The following RBFOX1 variants were observed in gnomAD, a reference collection of about 807,000 sequenced individuals.
The protein encoded by RBFOX1 is RNA binding fox-1 homolog 1.
RBFOX1 carries 8 observed loss-of-function variants against 57.7 expected under a neutral mutation model. The observed-to-expected ratio is 0.14, with a 90% CI of 0.08 to 0.25. The LOEUF (loss-of-function observed/expected upper bound fraction) is 0.25. RBFOX1 is among the 10% of genes least tolerant of loss of function. The pLI is 1.00. For synonymous variants in RBFOX1, 326 were observed against 222.4 expected (o/e 1.47, Z -4.15); for missense variants, 611 against 548.5 (o/e 1.11, Z -1.14).
chr16:5,251,466 G>A (rs1396616329), intron 1 of RBFOX1, among the ~76,000 whole-genome samples: 1 of 152,136 alleles, frequency 6.6e-6, no homozygotes, highest in Non-Finnish European at 1.5e-5. Context: ...TCTTAGTGCC[G>A]AGCCCAGAGC....
At chr16:6,545,663 C>A (rs1255277630) in intron 2 of RBFOX1, among the ~76,000 whole-genome samples, 1 of 152,230 alleles carries the variant, frequency 6.6e-6, no homozygotes, top group Non-Finnish European at 1.5e-5. Flanking sequence ...TTAAGTTACT[C>A]ACCATGGTGT....
chr16:6,467,613 T>A (rs2095079403), intron 2 of RBFOX1, among the ~76,000 whole-genome samples: 1 of 152,142 alleles, frequency 6.6e-6, no homozygotes, highest in African/African-American at 2.4e-5. Flanking sequence ...TTGTTTCCTA[T>A]TAAAAGGAAA....
intron 1 of RBFOX1, among the ~76,000 whole-genome samples, chr16:6,208,397 A>G (rs185035586): frequency 2.2e-3 from 312 of 141,816 alleles, no homozygotes; most frequent in African/African-American, 7.9e-3. Context: ...GAAGCCGTTT[A>G]TTTATTCATT....
intron 2 of RBFOX1, among the ~76,000 whole-genome samples, chr16:5,579,195 C>T (rs528292140): frequency 1.3e-5 from 2 of 152,228 alleles, no homozygotes; most frequent in South Asian, 2.1e-4. Flanking sequence ...GCTATCGCCC[C>T]ACCCAACTTG....
chr16:6,955,563 A>G (rs896187086), intron 3 of RBFOX1, among the ~76,000 whole-genome samples: 9 of 152,154 alleles, frequency 5.9e-5, no homozygotes. Flanking sequence ...CTCTGTGAAC[A>G]TCTTAGTGTA....
Position 6,547,895 on chromosome 16 carries a change from G to T in RBFOX1, c.-63-106708G>T, listed in dbSNP as rs554651088. Among the ~76,000 whole-genome samples, 6 of 152,236 alleles carry T rather than the reference G, an allele frequency of 3.9e-5. No individual in the cohort carries two copies. The East Asian group carries it at 7.7e-4, about 20-fold the overall frequency. On this transcript the variant is annotated intron_variant, in intron 2 of 15. Transcript: ENST00000550418. ...AATTCACAGTGTTTCTCACGGTTAGGATGCTGACTAAACCCCAGACTGCAA... is the reference window on the plus strand; with the variant it reads ...AATTCACAGTGTTTCTCACGGTTAGTATGCTGACTAAACCCCAGACTGCAA...
intron 3 of RBFOX1, among the ~76,000 whole-genome samples, chr16:6,934,442 C>T (rs928764951): frequency 6.6e-6 from 1 of 152,076 alleles, no homozygotes; most frequent in Non-Finnish European, 1.5e-5. Context: ...TATTGCAGCA[C>T]TACTTAAAAT....
At chr16:5,879,922 C>T (rs2057721643) in intron 4 of RBFOX1, among the ~76,000 whole-genome samples, 1 of 152,210 alleles carries the variant, frequency 6.6e-6, no homozygotes. Flanking sequence ...GGCACACATT[C>T]CTTCTACTCA....
chr16:6,998,170 C>T (rs1465143545), intron 3 of RBFOX1, among the ~76,000 whole-genome samples: 3 of 152,098 alleles, frequency 2.0e-5, no homozygotes, highest in African/African-American at 4.8e-5. Flanking sequence ...AAAATGAAAG[C>T]AGCCAAAGCA....
intron 4 of RBFOX1, among the ~76,000 whole-genome samples, chr16:5,924,441 C>A (rs995676689): frequency 3.9e-5 from 6 of 152,068 alleles, no homozygotes; most frequent in Non-Finnish European, 8.8e-5. Flanking sequence ...CAGGGGAATG[C>A]GATTGGTGGG....
chr16:6,161,060 G>C lies in RBFOX1; in HGVS notation c.-127+141068G>C, dbSNP rs527696667. On this transcript the variant is annotated intron_variant, in intron 1 of 15. Coordinates refer to ENST00000550418, the MANE Select transcript of RBFOX1 (RefSeq NM_018723.4). ...ATTCTGCAGCCCTGCCCCTTGAACA[G>C]GCTTTAATAAATCATTGTTAAATAA... 4.4e-4 allele frequency among the ~76,000 whole-genome samples: 67 copies of C among 152,226 alleles called. No individual in the cohort carries two copies. In the South Asian group the frequency reaches 0.013, roughly 30 times the overall value.
At chr16:5,253,674 A>C (rs577038905) in intron 1 of RBFOX1, among the ~76,000 whole-genome samples, 2 of 152,306 alleles carry the variant, frequency 1.3e-5, no homozygotes, top group East Asian at 3.9e-4. Context: ...TCATTGCTGA[A>C]TCTGTTACAG....
intron 1 of RBFOX1, among the ~76,000 whole-genome samples, chr16:6,208,149 T>C (rs1759213974): frequency 6.6e-6 from 1 of 152,074 alleles, no homozygotes; most frequent in South Asian, 2.1e-4. Flanking sequence ...ATTATAATTA[T>C]ATATGTTATG....
chr16:6,016,853 A>G (rs1489408418), upstream of RBFOX1, among the ~76,000 whole-genome samples: 3 of 152,222 alleles, frequency 2.0e-5, no homozygotes, highest in Non-Finnish European at 4.4e-5. Flanking sequence ...ATTGTGAGAA[A>G]GAAACTAATA....
At chr16:5,839,731 AT>A (rs34853029) in intron 3 of RBFOX1, among the ~76,000 whole-genome samples, 62,304 of 151,952 alleles carry the variant, frequency 0.41, 13,533 homozygotes, top group East Asian at 0.63. Context: ...GATGGCTGCC[AT>A]TGCTCCAGGC....
intron 4 of RBFOX1, among the ~76,000 whole-genome samples, chr16:5,937,884 T>C (rs2059199192): frequency 6.6e-6 from 1 of 151,666 alleles, no homozygotes; most frequent in African/African-American, 2.4e-5. Context: ...TAGATATATA[T>C]TGCAAAATGT....
chr16:6,822,346 T>G (rs1336649985), intron 3 of RBFOX1, among the ~76,000 whole-genome samples: 1 of 152,218 alleles, frequency 6.6e-6, no homozygotes, highest in Non-Finnish European at 1.5e-5. Context: ...TCTCAGCCAT[T>G]CTGTGGTCTG....
At chr16:7,086,404 T>C (rs1216497487) in intron 4 of RBFOX1, among the ~76,000 whole-genome samples, 3 of 152,188 alleles carry the variant, frequency 2.0e-5, no homozygotes, top group Admixed American at 6.5e-5. Flanking sequence ...ATTTCTTCTT[T>C]ATCCATATAT....
chr16:5,646,553 A>G (rs2049061019), intron 3 of RBFOX1, among the ~76,000 whole-genome samples: 1 of 152,138 alleles, frequency 6.6e-6, no homozygotes, highest in South Asian at 2.1e-4. Flanking sequence ...CAGAGGAGAC[A>G]CCTGCTATGT....
Sources: gnomAD v4.1 joint callset for allele counts (sites outside exome capture counted in the v4.1 genomes callset) on GRCh38, gnomAD v4.1.1 for gene constraint, MANE v1.5 for transcripts, NCBI Gene and HGNC (gene_info 2026-07-23, HGNC 2026-07-21) for gene names.